Variants in MARCHF6 observed in about 807,000 individuals in gnomAD.
MARCHF6 encodes the protein E3 ubiquitin-protein ligase MARCHF6.
MARCHF6 carries 31 observed loss-of-function variants against 133.7 expected under a neutral mutation model. The observed-to-expected ratio is 0.23, with a 90% CI of 0.17 to 0.31. The LOEUF is 0.31. MARCHF6 is among the 10% of genes least tolerant of loss of function. The probability of loss-of-function intolerance (pLI) is 1.00; values close to 1 mark genes in which losing one functional copy is unlikely to be tolerated. For synonymous variants in MARCHF6, 395 were observed against 402.5 expected (o/e 0.98, Z 0.22); for missense variants, 723 against 1,121.6 (o/e 0.64, Z 5.08).
chr5:10,426,505 GTGT>G lies in MARCHF6; in HGVS notation c.2494_2496del (p.Val832del). The G allele has an allele frequency of 6.2e-7, 1 of 1,614,050 alleles. No homozygotes were observed. On this transcript the variant is annotated inframe_deletion, in exon 24 of 26. Coordinates refer to ENST00000274140, the MANE Select transcript of MARCHF6 (RefSeq NM_005885.4). ...TGTGTACCTTATGTCATAGCTTCTG[GTGT>G]TGTTCCTTTACTAGGTACGTAATGC...
chr5:10,405,021 A>G (rs774870465), intron 15 of MARCHF6, among the ~76,000 whole-genome samples: 2 of 152,200 alleles, frequency 1.3e-5, no homozygotes, highest in Non-Finnish European at 2.9e-5. Context: ...CTTAGAAATC[A>G]CACACTGTAA....
At chr5:10,371,315 A>G (rs1254283224) in intron 1 of MARCHF6, among the ~76,000 whole-genome samples, 2 of 151,734 alleles carry the variant, frequency 1.3e-5, no homozygotes, top group Non-Finnish European at 3.0e-5. Flanking sequence ...CGGAGTGCTT[A>G]GAACTGTGTG....
At position 10,407,953 on chromosome 5, in the gene MARCHF6, TCC is replaced by T. The variant is rs11349150; in HGVS notation, c.1553+762_1553+763del. On this transcript the variant is annotated intron_variant, in intron 17 of 25. Transcript: ENST00000274140. ...CTTGGGCAACAAGAGTGAAACTGCATCCCCCCCCCCCCAAAAAAAAAAGCCAT... is the reference window on the plus strand; with the variant it reads ...CTTGGGCAACAAGAGTGAAACTGCATCCCCCCCCCCAAAAAAAAAAGCCAT... Among the ~76,000 whole-genome samples the T allele has an allele frequency of 1.2e-3, 96 of 81,862 alleles. 1 individual carries two copies. Among genetic ancestry groups the T allele is most frequent in the Admixed American group, 3.0e-3 (26 of 8,582 alleles). The allele number at this position is 81,862 out of a possible 152,430, so 53.7% of individuals were successfully genotyped here. A position where few individuals can be genotyped will look rare whatever the true frequency, so the allele number is the denominator to read the frequency against.
chr5:10,411,191 A>T (rs1739210545), intron 18 of MARCHF6, 142 bp from the exon 19 acceptor site: 1 of 675,714 alleles, frequency 1.5e-6, no homozygotes, highest in South Asian at 1.9e-5. Context: ...CATTTAGACC[A>T]AAATTAGGTA....
intron 1 of MARCHF6, among the ~76,000 whole-genome samples, chr5:10,376,118 T>C (rs1463296397): frequency 6.6e-6 from 1 of 152,140 alleles, no homozygotes; most frequent in Non-Finnish European, 1.5e-5. Context: ...GGCAAGCTGC[T>C]CGGGTCCCCT....
In MARCHF6 at chr5:10,434,748, G is replaced by T. The variant is rs1316750996; in HGVS notation, c.*1064G>T. 1 of 152,548 alleles carries T rather than the reference G, an allele frequency of 6.6e-6. No individual in the cohort carries two copies. Among genetic ancestry groups the T allele is most frequent in the Non-Finnish European group, 1.5e-5 (1 of 68,032 alleles). 9.4% of individuals were successfully genotyped at this position (152,548 alleles called of 1,614,324 possible). ...GCCTCGTTGGCTGAGGACTAGGTGT[G>T]CATTTCTCCTAGCTTTTCATCAGGA... is the stretch of plus-strand genomic sequence containing the variant. On this transcript the variant is annotated 3_prime_UTR_variant, in exon 26 of 26. Coordinates refer to ENST00000274140, the MANE Select transcript of MARCHF6 (RefSeq NM_005885.4).
In MARCHF6 at chr5:10,397,295, A is replaced by T; in HGVS notation, c.864A>T (p.Glu288Asp). 1 of 1,569,344 alleles carries T rather than the reference A, an allele frequency of 6.4e-7. No individual in the cohort carries two copies. The highest frequency in any genetic ancestry group is 8.6e-7 in the Non-Finnish European group (1 of 1,163,988). Residue 288 changes from glutamate to aspartate, a missense_variant and splice_region_variant, in exon 10 of 26, where the codon GAA (glutamate) becomes GAT (aspartate). This residue lies in a region of MARCHF6 where 43 missense variants were observed against 97.9 expected (regional missense o/e 0.44). Transcript: ENST00000274140. ...LGLDGSLVFL[E>D]HVFWVVSLNT... Reference sequence around the variant, plus strand: ...TTATTGATGCTTTTTTCCTTTAGGAACATGTCTTCTGGGTGGTATCTTTAA... The same window carrying T: ...TTATTGATGCTTTTTTCCTTTAGGATCATGTCTTCTGGGTGGTATCTTTAA...
intron 1 of MARCHF6, among the ~76,000 whole-genome samples, chr5:10,368,464 C>A (rs773645086): frequency 9.9e-5 from 15 of 152,116 alleles, no homozygotes; most frequent in Non-Finnish European, 2.1e-4. Context: ...GATAGAGAGA[C>A]CCTGCCTCTA....
intron 1 of MARCHF6, among the ~76,000 whole-genome samples, chr5:10,357,230 T>G (rs1735527199): frequency 8.0e-6 from 1 of 125,056 alleles, no homozygotes; most frequent in East Asian, 2.0e-4. Flanking sequence ...TTTTTTTTTT[T>G]TAAAGGAAAA....
intron 5 of MARCHF6, among the ~76,000 whole-genome samples, chr5:10,388,578 A>C (rs914799076): frequency 1.3e-5 from 2 of 152,106 alleles, no homozygotes; most frequent in African/African-American, 4.8e-5. Context: ...CTTTTCATCT[A>C]TTGGGCTTGC....
intron 1 of MARCHF6, among the ~76,000 whole-genome samples, chr5:10,375,200 C>T (rs551005278): frequency 3.9e-5 from 6 of 152,302 alleles, no homozygotes; most frequent in Middle Eastern, 3.4e-3. Flanking sequence ...GCAGCGCTTG[C>T]GGGCCAGCTG....
At chr5:10,368,580 G>GT (rs1736275603) in intron 1 of MARCHF6, among the ~76,000 whole-genome samples, 1 of 152,116 alleles carries the variant, frequency 6.6e-6, no homozygotes, top group African/African-American at 2.4e-5. Flanking sequence ...TTTTTTGTTT[G>GT]TTTGTTTCTT....
At chr5:10,377,709 A>G (rs1185064263) in intron 1 of MARCHF6, 89 bp from the exon 2 acceptor site, 5 of 756,516 alleles carry the variant, frequency 6.6e-6, no homozygotes, top group Non-Finnish European at 1.2e-5. Context: ...TTCTTGCTTT[A>G]ATGTCCAATA....
At chr5:10,368,976 T>A (rs999768097) in intron 1 of MARCHF6, among the ~76,000 whole-genome samples, 12 of 150,166 alleles carry the variant, frequency 8.0e-5, no homozygotes, top group Middle Eastern at 3.4e-3. Flanking sequence ...AAAAAAAAAA[T>A]TTCCAATGTG....
At chr5:10,406,826 T>C (rs1738919814) in intron 16 of MARCHF6, among the ~76,000 whole-genome samples, 1 of 152,232 alleles carries the variant, frequency 6.6e-6, no homozygotes, top group Non-Finnish European at 1.5e-5. Flanking sequence ...AGTTTCCAGC[T>C]CATTCCTTAG....
chr5:10,416,059 A>T (rs1385129274), intron 21 of MARCHF6, among the ~76,000 whole-genome samples: 1 of 151,424 alleles, frequency 6.6e-6, no homozygotes, highest in Non-Finnish European at 1.5e-5. Flanking sequence ...ATTTAGTAGC[A>T]TGTTTTTCTT....
chr5:10,380,193 T>G (rs1271940675), intron 3 of MARCHF6, among the ~76,000 whole-genome samples: 1 of 138,506 alleles, frequency 7.2e-6, no homozygotes, highest in African/African-American at 2.8e-5. Flanking sequence ...GTGTGTGTGT[T>G]TAAGCATCTT....
intron 24 of MARCHF6, 108 bp downstream of exon 24, chr5:10,426,630 A>G (rs754957291): frequency 4.0e-5 from 48 of 1,193,132 alleles, no homozygotes; most frequent in Non-Finnish European, 5.4e-5. Context: ...TTATTTGTAA[A>G]TGTGAATCCA....
chr5:10,425,454 TTTCTC>T (rs1255427422), intron 23 of MARCHF6, among the ~76,000 whole-genome samples: 2 of 152,240 alleles, frequency 1.3e-5, no homozygotes, highest in Non-Finnish European at 2.9e-5. Context: ...TATTCATTGT[TTTCTC>T]TTGCGTATGT....
Sources: gnomAD v4.1 joint callset for allele counts (sites outside exome capture counted in the v4.1 genomes callset) on GRCh38, gnomAD v4.1.1 for gene constraint, gnomAD v4.1.1 regional missense constraint, MANE v1.5 for transcripts, NCBI Gene and HGNC (gene_info 2026-07-23, HGNC 2026-07-21) for gene names.